Variants in CYSLTR1 observed in about 807,000 individuals in gnomAD.
CYSLTR1 encodes cysteinyl leukotriene receptor 1, also known as G-protein coupled receptor HG55.
A neutral mutation model predicts 2.1 loss-of-function variants in CYSLTR1; 1 was observed. The ratio of observed to expected loss-of-function variants is 0.48; its 90% confidence interval spans 0.17 to 2.28. The LOEUF is 2.28. Ranked by LOEUF, CYSLTR1 falls within the 30% of genes most tolerant of loss-of-function variation. The probability of loss-of-function intolerance (pLI) is 0.26; values close to 1 mark genes in which losing one functional copy is unlikely to be tolerated. For missense variants in CYSLTR1, 299 were observed against 250.1 expected, an observed-to-expected ratio of 1.20 and a Z score of -1.32; for synonymous variants, 110 against 89.6, an observed-to-expected ratio of 1.23 and a Z score of -1.28.
At chrX:78,316,685 T>A (rs982975605) in intron 1 of CYSLTR1, among the ~76,000 whole-genome samples, 1 of 111,673 alleles carries the variant, frequency 9.0e-6, no homozygotes, top group Non-Finnish European at 1.9e-5. Context: ...TAAAGCCAAA[T>A]ACTTACAGTC....
chrX:78,302,314 C>A (rs577771409), intron 1 of CYSLTR1, among the ~76,000 whole-genome samples: 1 of 112,176 alleles, frequency 8.9e-6, no homozygotes, highest in African/African-American at 3.2e-5. Flanking sequence ...TGGCAGTGGG[C>A]TCCCCTCTGG....
intron 1 of CYSLTR1, among the ~76,000 whole-genome samples, chrX:78,293,826 C>T (rs1403048998): frequency 8.9e-6 from 1 of 111,883 alleles, no homozygotes; most frequent in African/African-American, 3.3e-5. Context: ...GTTTTCAGCT[C>T]CTTCAGGTCA....
chrX:78,298,554 C>T (rs1025834938), intron 1 of CYSLTR1, among the ~76,000 whole-genome samples: 22 of 110,817 alleles, frequency 2.0e-4, no homozygotes, highest in African/African-American at 6.9e-4. Flanking sequence ...CTGGATGCTC[C>T]CTTGTTGGAT....
intron 1 of CYSLTR1, among the ~76,000 whole-genome samples, chrX:78,285,204 G>A (rs1300780991): frequency 7.2e-5 from 8 of 110,532 alleles, no homozygotes; most frequent in Admixed American, 6.8e-4. Context: ...AGGCCGAGGC[G>A]GGCGGATCAC....
At position 78,273,005 on chromosome X, in the gene CYSLTR1, G is replaced by T; in HGVS notation, c.742C>A (p.Pro248Thr). Residue 248 changes from proline (P) to threonine (T), a missense_variant, in exon 3 of 3, where the codon CCA becomes ACA. Pro to Thr is a conservative substitution (Grantham distance 38). Transcript: ENST00000373304. Reference protein sequence around the residue: ...VTAAFLVSFMPYHIQRTIHLH... With the variant: ...VTAAFLVSFMTYHIQRTIHLH... ...TGAATGGTACGTTGAATATGATATG[G>T]CATGAAACTGACTAAAAAGGCAGCG... The T allele has an allele frequency of 8.3e-7, 1 of 1,211,321 alleles. No homozygotes were observed. Among genetic ancestry groups the T allele is most frequent in the African/African-American group, 1.7e-5 (1 of 57,718 alleles).
intron 1 of CYSLTR1, among the ~76,000 whole-genome samples, chrX:78,304,654 T>C (rs986184973): frequency 6.3e-5 from 7 of 110,960 alleles, no homozygotes; most frequent in Admixed American, 2.9e-4. Flanking sequence ...AAGAAGTTTA[T>C]TGGGGTCTAA....
intron 2 of CYSLTR1, among the ~76,000 whole-genome samples, chrX:78,278,891 A>T (rs1192678790): frequency 8.9e-6 from 1 of 112,576 alleles, no homozygotes; most frequent in Non-Finnish European, 1.9e-5. Context: ...GTGCTGAGAT[A>T]ACTGGCTAGT....
At chrX:78,299,136 A>G (rs985786822) in intron 1 of CYSLTR1, among the ~76,000 whole-genome samples, 1 of 111,887 alleles carries the variant, frequency 8.9e-6, no homozygotes. Context: ...GCATAAACAA[A>G]CAAACGAAAA....
At chrX:78,297,489 C>A (rs1479064934) in intron 1 of CYSLTR1, among the ~76,000 whole-genome samples, 1 of 111,336 alleles carries the variant, frequency 9.0e-6, no homozygotes, top group Admixed American at 9.5e-5. Flanking sequence ...TGGTAGAATT[C>A]ATCAGTAATG....
intron 1 of CYSLTR1, among the ~76,000 whole-genome samples, chrX:78,286,230 A>G (rs1013668938): frequency 5.4e-5 from 6 of 111,014 alleles, no homozygotes; most frequent in Non-Finnish European, 1.1e-4. Context: ...GGATTGCTTG[A>G]GGTCAGGAAT....
At chrX:78,290,816 A>G (rs143316397) in intron 1 of CYSLTR1, among the ~76,000 whole-genome samples, 6,247 of 111,705 alleles carry the variant, frequency 0.056, 139 homozygotes, top group East Asian at 0.087. Context: ...TGCATCCTGA[A>G]ACTTTGCTGA....
At chrX:78,316,012 T>C (rs755621236) in intron 1 of CYSLTR1, among the ~76,000 whole-genome samples, 79 of 112,402 alleles carry the variant, frequency 7.0e-4, no homozygotes, top group Admixed American at 1.6e-3. Context: ...GGGATGCTTG[T>C]GTCACTCCAC....
intron 2 of CYSLTR1, among the ~76,000 whole-genome samples, chrX:78,280,528 G>A (rs764466773): frequency 2.8e-5 from 3 of 106,714 alleles, no homozygotes; most frequent in African/African-American, 1.0e-4. Flanking sequence ...TGTGTGTTGG[G>A]GGGGGGGTAA....
intron 1 of CYSLTR1, among the ~76,000 whole-genome samples, chrX:78,300,013 G>A (rs1389659936): frequency 9.2e-6 from 1 of 108,935 alleles, no homozygotes; most frequent in Admixed American, 9.6e-5. Context: ...CTCTGGTTAT[G>A]TATCTTCAAA....
At chrX:78,302,894 A>G (rs1922876190) in intron 1 of CYSLTR1, among the ~76,000 whole-genome samples, 1 of 111,116 alleles carries the variant, frequency 9.0e-6, no homozygotes, top group African/African-American at 3.3e-5. Context: ...GGGAGGAATG[A>G]TGCCAGCATT....
chrX:78,284,144 A>G (rs747231960), intron 1 of CYSLTR1, among the ~76,000 whole-genome samples: 9 of 112,145 alleles, frequency 8.0e-5, no homozygotes, highest in Admixed American at 2.8e-4. Context: ...TCATAAGCAT[A>G]TATCTCTTCT....
At chrX:78,324,524 C>T (rs1923796074) in intron 1 of CYSLTR1, among the ~76,000 whole-genome samples, 1 of 111,254 alleles carries the variant, frequency 9.0e-6, no homozygotes, top group Non-Finnish European at 1.9e-5. Context: ...TGCCTCATGA[C>T]ACCCAGCTAA....
At chrX:78,289,878 G>A (rs1175824644) in intron 1 of CYSLTR1, among the ~76,000 whole-genome samples, 9 of 111,185 alleles carry the variant, frequency 8.1e-5, no homozygotes, top group African/African-American at 1.3e-4. Context: ...TTGTCAGATG[G>A]GTAGATTGCA....
At chrX:78,305,596 A>AT (rs1270476030) in intron 1 of CYSLTR1, among the ~76,000 whole-genome samples, 1 of 112,355 alleles carries the variant, frequency 8.9e-6, no homozygotes, top group African/African-American at 3.2e-5. Context: ...TGATCCTAAG[A>AT]TTTATTCATC....
Sources: gnomAD v4.1 joint callset for allele counts (sites outside exome capture counted in the v4.1 genomes callset) on GRCh38, gnomAD v4.1.1 for gene constraint, MANE v1.5 for transcripts, NCBI Gene and HGNC (gene_info 2026-07-23, HGNC 2026-07-21) for gene names.